Variants in KCNT2 observed in about 807,000 individuals in gnomAD.
KCNT2 encodes potassium sodium-activated channel subfamily T member 2.
KCNT2 carries 67 observed loss-of-function variants against 153.8 expected under a neutral mutation model. That is an observed-to-expected ratio of 0.44 (90% CI 0.36 to 0.53). The LOEUF (loss-of-function observed/expected upper bound fraction) is 0.53. Among genes scored for constraint, KCNT2 ranks in the 20% least tolerant of loss-of-function variants. The pLI is 0.00. For synonymous variants in KCNT2, 500 were observed against 458.8 expected (o/e 1.09, Z -1.15); for missense variants, 975 against 1,354.8 (o/e 0.72, Z 4.40).
chr1:196,458,651 T>G (rs908880727), intron 8 of KCNT2, among the ~76,000 whole-genome samples: 10 of 152,036 alleles, frequency 6.6e-5, no homozygotes, highest in Admixed American at 6.6e-4. Flanking sequence ...AACTATACAT[T>G]TGGCAGTACA....
intron 12 of KCNT2, chr1:196,404,183 T>C (rs977892131): frequency 1.0e-6 from 1 of 963,796 alleles, no homozygotes. Context: ...TAAAGACTGC[T>C]CTAATAGCTT....
chr1:196,245,589 G>T (rs185823098), intron 26 of KCNT2, among the ~76,000 whole-genome samples: 1 of 152,166 alleles, frequency 6.6e-6, no homozygotes, highest in East Asian at 1.9e-4. Flanking sequence ...CAACATAGCT[G>T]TTTTGAAGAA....
chr1:196,485,696 G>C (rs188254918), intron 3 of KCNT2, among the ~76,000 whole-genome samples: 1 of 151,720 alleles, frequency 6.6e-6, no homozygotes, highest in African/African-American at 2.4e-5. Flanking sequence ...CCAATGGAAA[G>C]ACATACTTTT....
intron 13 of KCNT2, among the ~76,000 whole-genome samples, chr1:196,381,302 G>A (rs1669469777): frequency 6.6e-6 from 1 of 151,776 alleles, no homozygotes; most frequent in South Asian, 2.1e-4. Flanking sequence ...TAAATACATA[G>A]CAGTCTTAAT....
chr1:196,379,503 T>C (rs913879416), intron 13 of KCNT2, among the ~76,000 whole-genome samples: 13 of 149,594 alleles, frequency 8.7e-5, no homozygotes, highest in African/African-American at 2.7e-4. Flanking sequence ...ACTCAGGAGG[T>C]AGTGGCTGCA....
In KCNT2 at chr1:196,465,407, A is replaced by C. The variant is rs1294918485; in HGVS notation, c.544-20T>G. ...ATCATTCTAAAATAATACAGAAAAA[A>C]AGTTGTAAATTTTGATAAATACTAA... On this transcript the variant is annotated intron_variant, in intron 7 of 27. Transcript: ENST00000294725. 7 of 1,451,172 alleles carry C rather than the reference A, an allele frequency of 4.8e-6. No individual in the cohort carries two copies. The East Asian group carries it at 1.6e-4, about 33-fold the overall frequency. 89.9% of individuals were successfully genotyped at this position (1,451,172 alleles called of 1,614,324 possible).
chr1:196,471,320 G>C (rs914263036), intron 5 of KCNT2, among the ~76,000 whole-genome samples: 2 of 152,072 alleles, frequency 1.3e-5, no homozygotes, highest in African/African-American at 4.8e-5. Context: ...GAGGATGCAC[G>C]GTTTTGAAGA....
intron 1 of KCNT2, among the ~76,000 whole-genome samples, chr1:196,526,332 C>T (rs1654202611): frequency 6.6e-6 from 1 of 150,614 alleles, no homozygotes; most frequent in African/African-American, 2.4e-5. Flanking sequence ...TATAAATGCA[C>T]ACATACACAG....
intron 1 of KCNT2, among the ~76,000 whole-genome samples, chr1:196,537,913 C>T (rs1488672193): frequency 6.6e-6 from 1 of 152,164 alleles, no homozygotes; most frequent in Admixed American, 6.5e-5. Flanking sequence ...TCTGCATTCA[C>T]AGCAGCCTGT....
intron 13 of KCNT2, among the ~76,000 whole-genome samples, chr1:196,391,775 T>C (rs1028607985): frequency 1.3e-5 from 2 of 151,388 alleles, no homozygotes; most frequent in African/African-American, 4.8e-5. Context: ...ATATACCACA[T>C]TAACATTAGG....
intron 8 of KCNT2, among the ~76,000 whole-genome samples, chr1:196,443,257 T>C (rs1388022596): frequency 6.6e-6 from 1 of 151,564 alleles, no homozygotes; most frequent in African/African-American, 2.4e-5. Context: ...CAAAAACAGT[T>C]GCATTTAAAC....
At chr1:196,510,189 A>G (rs566238513) in intron 1 of KCNT2, among the ~76,000 whole-genome samples, 5 of 152,328 alleles carry the variant, frequency 3.3e-5, no homozygotes, top group Non-Finnish European at 2.9e-5. Context: ...GTTAAAAAGA[A>G]GCCCATGTAA....
chr1:196,352,156 C>T (rs796787154), intron 14 of KCNT2, among the ~76,000 whole-genome samples: 1 of 151,944 alleles, frequency 6.6e-6, no homozygotes, highest in Admixed American at 6.6e-5. Flanking sequence ...GGATATTGGT[C>T]TAAAATTCTC....
chr1:196,302,224 A>T (rs1220092302), intron 22 of KCNT2, among the ~76,000 whole-genome samples: 1 of 152,178 alleles, frequency 6.6e-6, no homozygotes, highest in Non-Finnish European at 1.5e-5. Context: ...GGAAATAGAG[A>T]TCAGTTTTCT....
intron 1 of KCNT2, among the ~76,000 whole-genome samples, chr1:196,554,903 T>C (rs1658443942): frequency 6.6e-6 from 1 of 151,422 alleles, no homozygotes; most frequent in South Asian, 2.1e-4. Flanking sequence ...ATTATTTAAA[T>C]TGATACTGAA....
At chr1:196,355,228 G>C (rs1309381243) in intron 14 of KCNT2, among the ~76,000 whole-genome samples, 1 of 149,350 alleles carries the variant, frequency 6.7e-6, no homozygotes, top group African/African-American at 2.5e-5. Context: ...AAAAAAAAAA[G>C]ACACCTTGGT....
chr1:196,520,152 G>A lies in KCNT2; in HGVS notation c.96-27811C>T, dbSNP rs563171976. Among the ~76,000 whole-genome samples, 153 of 152,000 alleles carry A rather than the reference G, an allele frequency of 1.0e-3. 1 individual carries two copies. Among genetic ancestry groups the A allele is most frequent in the Admixed American group, 2.6e-3 (39 of 15,250 alleles). On this transcript the variant is annotated intron_variant, in intron 1 of 27. Coordinates refer to ENST00000294725, the MANE Select transcript of KCNT2 (RefSeq NM_198503.5). Reference sequence around the variant, plus strand: ...CCCTGGGATTCAAGGTTGGTTTAACGTATGTAAATCAATAAATGTCATACA... The same window carrying A: ...CCCTGGGATTCAAGGTTGGTTTAACATATGTAAATCAATAAATGTCATACA...
intron 14 of KCNT2, among the ~76,000 whole-genome samples, chr1:196,361,524 C>G (rs905824089): frequency 2.0e-5 from 3 of 151,962 alleles, no homozygotes; most frequent in Admixed American, 6.6e-5. Context: ...GGAAGCTTGC[C>G]AGAAGATGAC....
At chr1:196,448,247 T>A (rs1010090102) in intron 8 of KCNT2, among the ~76,000 whole-genome samples, 1 of 151,622 alleles carries the variant, frequency 6.6e-6, no homozygotes, top group African/African-American at 2.4e-5. Context: ...ATAATAAGTA[T>A]CTCAGTGTCT....
Sources: allele counts gnomAD v4.1 joint callset (sites outside exome capture counted in the v4.1 genomes callset), GRCh38; gene constraint gnomAD v4.1.1; transcripts MANE v1.5; gene names NCBI Gene and HGNC (gene_info 2026-07-23, HGNC 2026-07-21).